The following GALNT16 variants were observed in gnomAD, a reference collection of about 807,000 sequenced individuals.
The protein encoded by GALNT16 is polypeptide N-acetylgalactosaminyltransferase 16, also known as UDP-GalNAc:polypeptide N-acetylgalactosaminyltransferase-like protein 1.
GALNT16 carries 40 observed loss-of-function variants against 76.1 expected under a neutral mutation model. The observed-to-expected ratio is 0.53, with a 90% CI of 0.41 to 0.68. The LOEUF is 0.68. Ranked by LOEUF, GALNT16 falls within the 30% of genes least tolerant of loss-of-function variation. The pLI, the probability that GALNT16 is intolerant of heterozygous loss-of-function variation, is 0.00. For synonymous variants in GALNT16, 276 were observed against 285.2 expected, an observed-to-expected ratio of 0.97 and a Z score of 0.32; for missense variants, 621 against 731.9, an observed-to-expected ratio of 0.85 and a Z score of 1.75.
chr14:69,370,469 A>G, the GALNT16 span, among the ~76,000 whole-genome samples: 1 of 152,250 alleles, frequency 6.6e-6, no homozygotes, highest in African/African-American at 2.4e-5. Flanking sequence ...TGTCAGTCTT[A>G]GAAGTGTTCC....
rs955991288 is a variant in GALNT16, at chr14:69,353,171, A to G, written c.*1003A>G. Among the ~76,000 whole-genome samples the G allele has an allele frequency of 6.6e-6, 1 of 152,146 alleles. No homozygotes were observed. The highest frequency in any genetic ancestry group is 2.4e-5 in the African/African-American group (1 of 41,404). On this transcript the variant is annotated 3_prime_UTR_variant, in exon 15 of 15. Coordinates refer to ENST00000448469, the MANE Select transcript of GALNT16 (RefSeq NM_001168368.2). ...TTCTCAAAGGTTTTTGCCTCTGTCA[A>G]TACAGCATCATGGGTGGTTGGAAAG...
rs1295708656 is a variant in GALNT16, at chr14:69,347,910, C to A, written c.1447C>A (p.Gln483Lys). The A allele has an allele frequency of 1.2e-6, 2 of 1,613,932 alleles. No homozygotes were observed. The highest frequency in any genetic ancestry group is 1.7e-6 in the Non-Finnish European group (2 of 1,180,020). ...GTTCAGTGACCACCTCATCCAGCAG[C>A]AGGGGAAGTGCCTGGCTGCCACCTC... is the stretch of plus-strand genomic sequence containing the variant. The part of the protein sequence containing the change: ...WLFSDHLIQQ[Q>K]GKCLAATSTL... Residue 483 changes from glutamine to lysine, a missense_variant, in exon 14 of 15, where the codon CAG (glutamine) becomes AAG (lysine). Gln to Lys is a moderately conservative substitution (Grantham distance 53, BLOSUM62 1). Coordinates refer to ENST00000448469, the MANE Select transcript of GALNT16 (RefSeq NM_001168368.2).
chr14:69,349,660 C>G (rs1031787114), intron 14 of GALNT16: 5 of 152,294 alleles, frequency 3.3e-5, no homozygotes, highest in African/African-American at 9.7e-5. Context: ...CTTCCCTCCC[C>G]CTCCCTTCAC....
rs574511287 is a variant in GALNT16 at position 69,333,680 on chromosome 14, G to A, written c.967+80G>A. On this transcript the variant is annotated intron_variant, in intron 9 of 14. Transcript: ENST00000448469. The surrounding 1 kb of genome is among the most constrained non-coding windows in gnomAD (Gnocchi z 4.2). ...AACCCTGACAGAGCACTTTCTATGC[G>A]TGAGGACCTGCTCTAAGGACTTTAC... The A allele has an allele frequency of 1.7e-5, 13 of 774,228 alleles. No homozygotes were observed. Among genetic ancestry groups the A allele is most frequent in the Middle Eastern group, 4.6e-4 (2 of 4,386 alleles). The allele number at this position is 774,228 out of a possible 1,614,324, so 48.0% of individuals were successfully genotyped here.
chr14:69,336,290 A>G (rs763646058), intron 9 of GALNT16, among the ~76,000 whole-genome samples: 30 of 152,274 alleles, frequency 2.0e-4, no homozygotes, highest in Non-Finnish European at 3.5e-4. Flanking sequence ...TTGTATTTTT[A>G]GTAGAGACGG....
At chr14:69,296,313 C>G (rs1398962863) in intron 1 of GALNT16, among the ~76,000 whole-genome samples, 2 of 152,198 alleles carry the variant, frequency 1.3e-5, no homozygotes, top group Admixed American at 1.3e-4. Flanking sequence ...CTCCAGGCCC[C>G]ATCTCCAACA....
At chr14:69,380,758 T>C in the GALNT16 span, 1 of 599,646 alleles carries the variant, frequency 1.7e-6, no homozygotes, top group Non-Finnish European at 3.0e-6. Context: ...AAAATGAACT[T>C]AATGAAAAGC....
intron 1 of GALNT16, among the ~76,000 whole-genome samples, chr14:69,274,819 C>T (rs1484154937): frequency 1.3e-5 from 2 of 152,102 alleles, no homozygotes; most frequent in Admixed American, 6.5e-5. Context: ...GGTACTTTCC[C>T]CCTTGACCAG....
downstream of GALNT16, among the ~76,000 whole-genome samples, chr14:69,362,007 A>AAAAT (rs1181331435): frequency 1.3e-5 from 2 of 152,206 alleles, no homozygotes; most frequent in Non-Finnish European, 2.9e-5. Context: ...ACTCCATCTC[A>AAAAT]AAATAAATAA....
intron 5 of GALNT16, 26 bp downstream of exon 5, chr14:69,326,053 C>A: frequency 6.3e-7 from 1 of 1,584,674 alleles, no homozygotes; most frequent in Non-Finnish European, 8.7e-7. Context: ...CTGGGTCCCA[C>A]CAAGGGCCCA....
rs190363226 is a variant in GALNT16 at position 69,354,009 on chromosome 14, C to T, written c.*1841C>T. The T allele has an allele frequency of 2.6e-5, 4 of 152,622 alleles. No individual in the cohort carries two copies. The East Asian group carries it at 7.7e-4, about 29-fold the overall frequency. The allele number at this position is 152,622 out of a possible 1,614,324, so 9.5% of individuals were successfully genotyped here. On this transcript the variant is annotated 3_prime_UTR_variant, in exon 15 of 15. Transcript: ENST00000448469. ...CCGTGCCCAAGTGCACCCCTCTGGA[C>T]TTGCCAGCGCAGGCCCCTTCGCTCC... is the stretch of plus-strand genomic sequence containing the variant.
At chr14:69,341,816 G>A (rs755447499) in intron 12 of GALNT16, 52 bp downstream of exon 12, 101 of 1,272,172 alleles carry the variant, frequency 7.9e-5, no homozygotes, top group Middle Eastern at 5.5e-4. Context: ...GGGGTGGTTG[G>A]GGCCAGCGGC....
intron 1 of GALNT16, among the ~76,000 whole-genome samples, chr14:69,297,522 A>G (rs187326173): frequency 1.4e-4 from 21 of 152,302 alleles, no homozygotes; most frequent in Middle Eastern, 3.4e-3. Context: ...TTCACCCATT[A>G]AAGTGTACCA....
rs184675368 is a variant in GALNT16 at position 69,351,841 on chromosome 14, G to A, written c.1540-190G>A. 7.5e-4 allele frequency: 406 copies of A among 540,292 alleles called. 1 individual carries two copies. Among genetic ancestry groups the A allele is most frequent in the African/African-American group, 7.3e-3 (382 of 52,042 alleles). The allele number at this position is 540,292 out of a possible 1,614,324, so 33.5% of individuals were successfully genotyped here. Reference sequence around the variant, plus strand: ...GCAAGAGGATTGCTTGAACTCAGGAGTTCGAGGCTGCAGTGAGCTGTGGTA... The same window carrying A: ...GCAAGAGGATTGCTTGAACTCAGGAATTCGAGGCTGCAGTGAGCTGTGGTA... On this transcript the variant is annotated intron_variant, in intron 14 of 14. Coordinates refer to ENST00000448469, the MANE Select transcript of GALNT16 (RefSeq NM_001168368.2).
chr14:69,295,414 CA>C (rs34081669), intron 1 of GALNT16, among the ~76,000 whole-genome samples: 16,482 of 101,588 alleles, frequency 0.16, 1,019 homozygotes, highest in African/African-American at 0.23. Context: ...GACTCTGTCT[CA>C]AAAAAAAAAA....
At position 69,261,300 on chromosome 14, in the gene GALNT16, A is replaced by T. The variant is rs962955849; in HGVS notation, c.177+833A>T. ...AGCCGCAGCCGCCCTGCAGGGGGCG[A>T]TCCTGTCGCCGTCTCCGTCCGAGCC... is the stretch of plus-strand genomic sequence containing the variant. On this transcript the variant is annotated intron_variant, in intron 1 of 14. Coordinates refer to ENST00000448469, the MANE Select transcript of GALNT16 (RefSeq NM_001168368.2). This position sits in a 1 kb window ranked among gnomAD's most constrained non-coding sequence, Gnocchi z 6.4. Among the ~76,000 whole-genome samples, 3 of 151,960 alleles carry T rather than the reference A, an allele frequency of 2.0e-5. No individual in the cohort carries two copies. The highest frequency in any genetic ancestry group is 4.4e-5 in the Non-Finnish European group (3 of 67,952).
chr14:69,360,864 C>T (rs893902443), downstream of GALNT16, among the ~76,000 whole-genome samples: 13 of 152,182 alleles, frequency 8.5e-5, no homozygotes, highest in Non-Finnish European at 4.4e-5. Flanking sequence ...GGTCCCCTGA[C>T]GGGGCCACGT....
chr14:69,298,225 G>GC (rs1232032197), intron 1 of GALNT16, among the ~76,000 whole-genome samples: 3 of 152,224 alleles, frequency 2.0e-5, no homozygotes, highest in Non-Finnish European at 4.4e-5. Flanking sequence ...AGTTCCTGAT[G>GC]CCCCCCTCTT....
chr14:69,314,538 C>T (rs780854404), intron 1 of GALNT16, among the ~76,000 whole-genome samples: 11 of 152,246 alleles, frequency 7.2e-5, no homozygotes, highest in Non-Finnish European at 1.3e-4. Context: ...GTGCAACCTG[C>T]AGCACCTTGT....
Sources: allele counts gnomAD v4.1 joint callset (sites outside exome capture counted in the v4.1 genomes callset), GRCh38; gene constraint gnomAD v4.1.1; non-coding constraint Gnocchi (gnomAD v3.1); transcripts MANE v1.5; gene names NCBI Gene and HGNC (gene_info 2026-07-23, HGNC 2026-07-21).